MTHFD2L: variants seen among roughly 807,000 people sequenced by gnomAD.
MTHFD2L encodes bifunctional methylenetetrahydrofolate dehydrogenase/cyclohydrolase 2, mitochondrial.
A neutral mutation model predicts 34.9 loss-of-function variants in MTHFD2L; 29 were observed. That is an observed-to-expected ratio of 0.83 (90% CI 0.62 to 1.13). The LOEUF (loss-of-function observed/expected upper bound fraction) is 1.13. Among genes scored for constraint, MTHFD2L ranks in the 50% most tolerant of loss-of-function variants. The pLI is 0.00. For synonymous variants in MTHFD2L, 167 were observed against 155.7 expected, an observed-to-expected ratio of 1.07 and a Z score of -0.54; for missense variants, 481 against 446.5, an observed-to-expected ratio of 1.08 and a Z score of -0.70.
intron 5 of MTHFD2L, among the ~76,000 whole-genome samples, chr4:74,204,398 CTG>C (rs1007075276): frequency 6.6e-6 from 1 of 152,122 alleles, no homozygotes; most frequent in African/African-American, 2.4e-5. Flanking sequence ...CAATAATAAT[CTG>C]TAGCCATTCT....
intron 3 of MTHFD2L, among the ~76,000 whole-genome samples, chr4:74,186,310 A>C (rs1313987812): frequency 6.6e-6 from 1 of 151,942 alleles, no homozygotes; most frequent in Non-Finnish European, 1.5e-5. Flanking sequence ...TCCTCTTACA[A>C]TCAAGAAAGT....
intron 5 of MTHFD2L, among the ~76,000 whole-genome samples, chr4:74,209,944 C>T (rs1395201481): frequency 6.6e-6 from 1 of 152,144 alleles, no homozygotes; most frequent in African/African-American, 2.4e-5. Flanking sequence ...CTCTAATGAC[C>T]AGTGATGATG....
intron 7 of MTHFD2L, among the ~76,000 whole-genome samples, chr4:74,301,377 G>A (rs1476313681): frequency 6.6e-6 from 1 of 151,924 alleles, no homozygotes; most frequent in African/African-American, 2.4e-5. Context: ...TTTAGAATTA[G>A]TTAACTAGAA....
chr4:74,145,797 A>G (rs1723557950), intron 1 of MTHFD2L, among the ~76,000 whole-genome samples: 3 of 152,172 alleles, frequency 2.0e-5, no homozygotes. Context: ...GTGAGTTCTC[A>G]CAAGATCTGG....
chr4:74,132,460 C>T (rs1272190867), intron 1 of MTHFD2L, among the ~76,000 whole-genome samples: 1 of 152,026 alleles, frequency 6.6e-6, no homozygotes, highest in South Asian at 2.1e-4. Context: ...AAGCTAGAAA[C>T]CATCATTCTC....
At chr4:74,199,555 C>G (rs1734054112) in intron 3 of MTHFD2L, among the ~76,000 whole-genome samples, 1 of 151,960 alleles carries the variant, frequency 6.6e-6, no homozygotes, top group South Asian at 2.1e-4. Context: ...TTTCACCGGT[C>G]CAGCCACTTT....
chr4:74,285,876 G>T (rs1480861338), intron 7 of MTHFD2L, among the ~76,000 whole-genome samples: 1 of 151,988 alleles, frequency 6.6e-6, no homozygotes, highest in East Asian at 1.9e-4. Flanking sequence ...ACTTCTACAT[G>T]ATTATTCAGT....
intron 1 of MTHFD2L, among the ~76,000 whole-genome samples, chr4:74,127,967 G>A (rs1722198886): frequency 6.6e-6 from 1 of 152,068 alleles, no homozygotes; most frequent in Non-Finnish European, 1.5e-5. Context: ...ATATCTCATT[G>A]TGGTTTGGAT....
At chr4:74,254,923 G>T (rs932875959) in intron 6 of MTHFD2L, among the ~76,000 whole-genome samples, 4 of 151,882 alleles carry the variant, frequency 2.6e-5, no homozygotes, top group African/African-American at 9.7e-5. Context: ...TCACCTGAGG[G>T]CAGGAGTTCG....
chr4:74,154,524 G>T (rs1003923227), upstream of MTHFD2L, among the ~76,000 whole-genome samples: 3 of 151,318 alleles, frequency 2.0e-5, no homozygotes, highest in Non-Finnish European at 2.9e-5. Context: ...TTTATACTTC[G>T]GGTTATAATC....
chr4:74,229,715 T>A (rs757417441), intron 6 of MTHFD2L, among the ~76,000 whole-genome samples: 1 of 152,118 alleles, frequency 6.6e-6, no homozygotes, highest in Non-Finnish European at 1.5e-5. Flanking sequence ...CTTTTTAAAA[T>A]TGCCCCCAAA....
chr4:74,291,848 C>T (rs1232603609), intron 7 of MTHFD2L, among the ~76,000 whole-genome samples: 1 of 152,154 alleles, frequency 6.6e-6, no homozygotes, highest in Non-Finnish European at 1.5e-5. Flanking sequence ...TGACTCCCAA[C>T]CACTTCAGTT....
At position 74,248,350 on chromosome 4, in the gene MTHFD2L, G is replaced by A. The variant is rs1015370159; in HGVS notation, c.805+22956G>A. The stretch of plus-strand genomic sequence containing the variant: ...TATCCCCTGTATCATTTTTTATTGC[G>A]TCTATTTGATTCTTCTCTCTTTTAT... On this transcript the variant is annotated intron_variant, in intron 6 of 7. Coordinates refer to ENST00000325278, the MANE Select transcript of MTHFD2L (RefSeq NM_001144978.3). Among the ~76,000 whole-genome samples, 80 of 152,148 alleles carry A rather than the reference G, an allele frequency of 5.3e-4. 1 individual carries two copies. Among genetic ancestry groups the A allele is most frequent in the Non-Finnish European group, 7.5e-4 (51 of 67,992 alleles).
At chr4:74,155,781 A>G (rs976627015), upstream of MTHFD2L, among the ~76,000 whole-genome samples, 22 of 152,050 alleles carry the variant, frequency 1.4e-4, no homozygotes, top group African/African-American at 5.1e-4. Context: ...TGAGAAATGC[A>G]ACAGGAGTAA....
chr4:74,255,087 A>G (rs1165440585), intron 6 of MTHFD2L, among the ~76,000 whole-genome samples: 2 of 139,320 alleles, frequency 1.4e-5, no homozygotes, highest in African/African-American at 5.4e-5. Flanking sequence ...GTGAGCTGAG[A>G]TCATGTCATT....
At chr4:74,168,363 G>A (rs1727201708) in intron 1 of MTHFD2L, among the ~76,000 whole-genome samples, 1 of 151,960 alleles carries the variant, frequency 6.6e-6, no homozygotes, top group South Asian at 2.1e-4. Flanking sequence ...CCTTCCCTTG[G>A]CCTAGAATGC....
chr4:74,147,289 T>A (rs113587469), intron 1 of MTHFD2L, among the ~76,000 whole-genome samples: 1,949 of 152,252 alleles, frequency 0.013, 52 homozygotes, highest in African/African-American at 0.045. Context: ...GGTCGGCTCT[T>A]TAAGCCCAGG....
intron 7 of MTHFD2L, chr4:74,288,359 A>C (rs1392610639): frequency 6.6e-6 from 1 of 152,174 alleles, no homozygotes; most frequent in Non-Finnish European, 1.5e-5. Flanking sequence ...ATTGAACTAG[A>C]AGGTGCATGC....
At chr4:74,202,405 A>G (rs192232673) in intron 5 of MTHFD2L, among the ~76,000 whole-genome samples, 57 of 152,324 alleles carry the variant, frequency 3.7e-4, no homozygotes, top group Admixed American at 3.3e-4. Flanking sequence ...GAAGTTATGC[A>G]AACCCTCAGA....
Sources: allele counts gnomAD v4.1 joint callset (sites outside exome capture counted in the v4.1 genomes callset), GRCh38; gene constraint gnomAD v4.1.1; transcripts MANE v1.5; gene names NCBI Gene and HGNC (gene_info 2026-07-23, HGNC 2026-07-21).